Variants in F8 observed in about 807,000 individuals in gnomAD.
F8 encodes the protein coagulation factor VIII, also known as antihemophilic factor.
In F8, 12 loss-of-function variants were observed where a neutral mutation model predicts 140.6. The ratio of observed to expected loss-of-function variants is 0.09; its 90% CI spans 0.05 to 0.14. The LOEUF (loss-of-function observed/expected upper bound fraction) is 0.14. F8 is among the 10% of genes least tolerant of loss of function. The pLI, the probability that F8 is intolerant of heterozygous loss-of-function variation, is 1.00. For synonymous variants in F8, 585 were observed against 614.6 expected, an observed-to-expected ratio of 0.95 and a Z score of 0.71; for missense variants, 1,354 against 1,720.7, an observed-to-expected ratio of 0.79 and a Z score of 3.77.
chrX:155,017,699 G>A (rs1242218899), intron 1 of F8, among the ~76,000 whole-genome samples: 1 of 110,702 alleles, frequency 9.0e-6, no homozygotes, highest in African/African-American at 3.3e-5. Context: ...AGAATTACCT[G>A]GGGACTAAAT....
chrX:154,965,516 G>C (rs28370209), intron 9 of F8, among the ~76,000 whole-genome samples: 3,987 of 111,128 alleles, frequency 0.036, 158 homozygotes, highest in African/African-American at 0.12. Flanking sequence ...AAATTTGTGA[G>C]CCCTATCTAG....
intron 22 of F8, among the ~76,000 whole-genome samples, chrX:154,892,867 G>A (rs1480816149): frequency 2.7e-5 from 3 of 111,334 alleles, no homozygotes; most frequent in Non-Finnish European, 5.7e-5. Flanking sequence ...TATTATACCC[G>A]CCTCCCTTTT....
intron 1 of F8, among the ~76,000 whole-genome samples, chrX:155,016,340 G>A (rs191485231): frequency 1.8e-5 from 2 of 112,040 alleles, no homozygotes; most frequent in East Asian, 5.6e-4. Flanking sequence ...CATTGCTGGT[G>A]GGAGTATAGA....
chrX:154,902,940 A>T (rs782582682), intron 18 of F8, among the ~76,000 whole-genome samples: 1 of 112,209 alleles, frequency 8.9e-6, no homozygotes, highest in African/African-American at 3.2e-5. Context: ...CCCTTTTCCA[A>T]TGCAGACTTC....
intron 14 of F8, among the ~76,000 whole-genome samples, chrX:154,925,380 T>C (rs782482176): frequency 5.1e-4 from 57 of 111,828 alleles, no homozygotes; most frequent in Non-Finnish European, 9.2e-4. Flanking sequence ...GGGTACCACC[T>C]AGTGGAGCTG....
At chrX:154,881,463 G>A (rs1383565885) in intron 22 of F8, among the ~76,000 whole-genome samples, 3 of 107,202 alleles carry the variant, frequency 2.8e-5, no homozygotes, top group African/African-American at 1.1e-4. Context: ...TTCTTTCAAC[G>A]AAATGTTTAT....
chrX:154,868,956 C>A (rs1319036022), intron 22 of F8, among the ~76,000 whole-genome samples: 24 of 111,058 alleles, frequency 2.2e-4, no homozygotes, highest in Admixed American at 1.6e-3. Flanking sequence ...CAAAGAAGAG[C>A]ATCACATAAT....
intron 21 of F8, among the ~76,000 whole-genome samples, chrX:154,899,109 C>A (rs1557275786): frequency 8.9e-6 from 1 of 111,921 alleles, no homozygotes; most frequent in African/African-American, 3.2e-5. Flanking sequence ...AAGCACAAAC[C>A]AACAAAAAAT....
intron 11 of F8, among the ~76,000 whole-genome samples, chrX:154,955,164 G>GTT (rs2073357197): frequency 1.6e-5 from 1 of 60,857 alleles, no homozygotes; most frequent in Non-Finnish European, 3.0e-5. Context: ...TATTTATTAA[G>GTT]CTTTTTTTTT....
At chrX:154,838,887 T>C (rs931598922) in intron 25 of F8, among the ~76,000 whole-genome samples, 1 of 110,132 alleles carries the variant, frequency 9.1e-6, no homozygotes, top group Non-Finnish European at 1.9e-5. Flanking sequence ...CTTATTGGAA[T>C]CGCCTTTGGA....
intron 6 of F8, among the ~76,000 whole-genome samples, chrX:154,978,297 A>G (rs1353538717): frequency 9.0e-6 from 1 of 111,115 alleles, no homozygotes; most frequent in Non-Finnish European, 1.9e-5. Context: ...TTAAAAACCA[A>G]TGGTCACATA....
Position 154,929,933 on chromosome X carries a change from T to C in F8, c.3857A>G (p.His1286Arg). The change falls in exon 14 of 26, where the codon CAT becomes CGT. Residue 1286 changes from histidine (H) to arginine (R), a missense_variant. This residue lies in a region of F8 where 658 missense variants were observed against 666.5 expected (regional missense o/e 0.99). Coordinates refer to ENST00000360256, the MANE Select transcript of F8 (RefSeq NM_000132.4). ...TTCTTCCTCCCCTTTTTTTGAGAAA[T>C]GAGCTGTGTGTTTCTTTGTTCTATT... ...STNRTKKHTA[H>R]FSKKGEEENL... The C allele has an allele frequency of 3.3e-6, 4 of 1,211,337 alleles. No individual in the cohort carries two copies. The highest frequency in any genetic ancestry group is 4.5e-6 in the Non-Finnish European group (4 of 895,222).
rs781928603 is a variant in F8 at position 154,947,224 on chromosome X, G to GAAA, written c.2113+471_2113+473dup. 0.031 allele frequency among the ~76,000 whole-genome samples: 519 copies of GAAA among 16,680 alleles called. No homozygotes were observed. The highest frequency in any genetic ancestry group is 0.043 in the Non-Finnish European group (385 of 8,935). 14.5% of individuals were successfully genotyped at this position (16,680 alleles called of 115,157 possible). ...TGGGCTACAGAGCGAGACTCCGTCT[G>GAAA]AAAAAAAAAAAAAAAAAAAAAAAAA... On this transcript the variant is annotated intron_variant, in intron 13 of 25. Coordinates refer to ENST00000360256, the MANE Select transcript of F8 (RefSeq NM_000132.4).
chrX:155,018,901 T>C (rs1557287262), intron 1 of F8, among the ~76,000 whole-genome samples: 8 of 112,042 alleles, frequency 7.1e-5, no homozygotes. Context: ...TTCTAAGCAA[T>C]AGAAAAAGAT....
chrX:155,016,106 G>A (rs187781049), intron 1 of F8, among the ~76,000 whole-genome samples: 3 of 111,146 alleles, frequency 2.7e-5, no homozygotes, highest in East Asian at 2.8e-4. Context: ...GCACGGTGGC[G>A]TGTGACCATA....
chrX:154,979,319 C>T lies in F8; in HGVS notation c.787+5368G>A, dbSNP rs185553237. On this transcript the variant is annotated intron_variant, in intron 6 of 25. Transcript: ENST00000360256. ...CAGGTTGAGTGGGCCTGACCTCAGA[C>T]CCCAGGAGGTGCTCAGGTGCCACCA... Among the ~76,000 whole-genome samples, 8 of 111,147 alleles carry T rather than the reference C, an allele frequency of 7.2e-5. No homozygotes were observed. The East Asian group carries it at 2.3e-3, about 32-fold the overall frequency.
rs1557272774 is a variant in F8, at chrX:154,860,419, G to A, written c.6900+13C>T. ...TTTTCTTTCTTTCTTTCTTTCCAAG[G>A]AGACCAGCTTACCTTTACTTTGCCA... On this transcript the variant is annotated intron_variant, in intron 25 of 25. Transcript: ENST00000360256. The A allele has an allele frequency of 8.3e-7, 1 of 1,206,693 alleles. No individual in the cohort carries two copies. Among genetic ancestry groups the A allele is most frequent in the East Asian group, 3.0e-5 (1 of 33,803 alleles).
At chrX:154,848,895 G>C (rs1487343485) in intron 25 of F8, among the ~76,000 whole-genome samples, 4 of 111,662 alleles carry the variant, frequency 3.6e-5, no homozygotes, top group Non-Finnish European at 7.5e-5. Flanking sequence ...GGGAGCTGTA[G>C]ACTGGAGCTG....
intron 21 of F8, 140 bp downstream of exon 21, chrX:154,899,726 G>T: frequency 1.8e-6 from 1 of 562,343 alleles, no homozygotes; most frequent in Non-Finnish European, 3.0e-6. Context: ...CTTTGTTCAT[G>T]ACTGCTTTTG....
Sources: gnomAD v4.1 joint callset for allele counts (sites outside exome capture counted in the v4.1 genomes callset) on GRCh38, gnomAD v4.1.1 for gene constraint, gnomAD v4.1.1 regional missense constraint, MANE v1.5 for transcripts, NCBI Gene and HGNC (gene_info 2026-07-23, HGNC 2026-07-21) for gene names.